The following IMPG2 variants were observed in gnomAD, a reference collection of about 807,000 sequenced individuals.
IMPG2 encodes interphotoreceptor matrix proteoglycan 2.
In IMPG2, 91 loss-of-function variants were observed where a neutral mutation model predicts 129.2. The observed-to-expected ratio is 0.70, with a 90% CI of 0.59 to 0.84. The LOEUF (loss-of-function observed/expected upper bound fraction) is 0.84. Ranked by LOEUF, IMPG2 falls within the 40% of genes least tolerant of loss-of-function variation. The pLI, the probability that IMPG2 is intolerant of heterozygous loss-of-function variation, is 0.00. For missense variants in IMPG2, 1,430 were observed against 1,461.7 expected (o/e 0.98, Z 0.35); for synonymous variants, 510 against 517.7 (o/e 0.99, Z 0.20).
chr3:101,319,971 G>A, intron 1 of IMPG2, 139 bp from the exon 2 acceptor site: 2 of 842,530 alleles, frequency 2.4e-6, no homozygotes, highest in Non-Finnish European at 1.9e-6. Flanking sequence ...GCATATCTAA[G>A]GAAAAGAGGA....
chr3:101,292,033 T>C (rs1707023821), intron 3 of IMPG2, among the ~76,000 whole-genome samples: 1 of 152,200 alleles, frequency 6.6e-6, no homozygotes, highest in African/African-American at 2.4e-5. Flanking sequence ...TAAATTAGGA[T>C]TGTTATTTTG....
chr3:101,269,505 G>A lies in IMPG2; in HGVS notation c.887+10C>T, dbSNP rs767130055. Reference sequence around the variant, plus strand: ...ACTGAAAATGTGCATATTTAGATAAGTCTATTTACCTAAATTCAAGTACAC... The same window carrying A: ...ACTGAAAATGTGCATATTTAGATAAATCTATTTACCTAAATTCAAGTACAC... On this transcript the variant is annotated intron_variant, in intron 8 of 18. Transcript: ENST00000193391. 3.4e-6 allele frequency: 5 copies of A among 1,480,710 alleles called. No individual in the cohort carries two copies. In the Admixed American group the frequency reaches 6.7e-5, roughly 20 times the overall value. 91.7% of individuals were successfully genotyped at this position (1,480,710 alleles called of 1,614,324 possible). A position where few individuals can be genotyped will look rare whatever the true frequency, so the allele number is the denominator to read the frequency against.
At chr3:101,302,274 A>C (rs996225254) in intron 3 of IMPG2, among the ~76,000 whole-genome samples, 1 of 152,204 alleles carries the variant, frequency 6.6e-6, no homozygotes, top group Non-Finnish European at 1.5e-5. Flanking sequence ...GTAACATCAG[A>C]AGATTCTGTT....
Position 101,275,652 on chromosome 3 carries a change from G to A in IMPG2, c.666+11C>T, listed in dbSNP as rs1326982459. On this transcript the variant is annotated intron_variant, in intron 6 of 18. Coordinates refer to ENST00000193391, the MANE Select transcript of IMPG2 (RefSeq NM_016247.4). ...GTTAGAAACTAACTAACAAAACAGA[G>A]CATCACTCACACTCTCCTCTGGCCT... The A allele has an allele frequency of 1.9e-6, 3 of 1,584,904 alleles. No individual in the cohort carries two copies. Among genetic ancestry groups the A allele is most frequent in the Non-Finnish European group, 2.6e-6 (3 of 1,153,192 alleles).
rs1207513458 is a variant in IMPG2, at chr3:101,224,640, A to G, written c.*2329T>C. On this transcript the variant is annotated 3_prime_UTR_variant, in exon 19 of 19. Transcript: ENST00000193391. ...CCTTTAGTGCTTTGCTTTGTACATG[A>G]GTGGATGGATCTTTGCTGGGCAAAC... 6.6e-6 allele frequency: 1 copy of G among 152,164 alleles called. No individual in the cohort carries two copies. Among genetic ancestry groups the G allele is most frequent in the Non-Finnish European group, 1.5e-5 (1 of 68,030 alleles). The allele number at this position is 152,164 out of a possible 1,614,324, so 9.4% of individuals were successfully genotyped here. A position where few individuals can be genotyped will look rare whatever the true frequency, so the allele number is the denominator to read the frequency against.
At chr3:101,262,379 G>A (rs934465664) in intron 9 of IMPG2, among the ~76,000 whole-genome samples, 3 of 152,156 alleles carry the variant, frequency 2.0e-5, no homozygotes, top group South Asian at 2.1e-4. Context: ...GAAACGGTAT[G>A]TTATATATCT....
At chr3:101,264,336 C>T (rs1706700697) in intron 9 of IMPG2, among the ~76,000 whole-genome samples, 1 of 151,942 alleles carries the variant, frequency 6.6e-6, no homozygotes, top group African/African-American at 2.4e-5. Context: ...AATAGCCCCT[C>T]AAAAAGATAA....
chr3:101,274,050 G>T (rs1441324041), intron 6 of IMPG2, among the ~76,000 whole-genome samples: 1 of 151,972 alleles, frequency 6.6e-6, no homozygotes, highest in East Asian at 1.9e-4. Flanking sequence ...AAAATTAGCT[G>T]GGCATGGTAG....
Position 101,257,671 on chromosome 3 carries a change from G to A in IMPG2, c.1011C>T (p.Gly337=). 1.2e-6 allele frequency: 2 copies of A among 1,613,430 alleles called. No individual in the cohort carries two copies. The highest frequency in any genetic ancestry group is 1.7e-6 in the Non-Finnish European group (2 of 1,179,574). Reference sequence around the variant, plus strand: ...TGGGTTTATCATCCAGTTCCACAAGGCCATGGTTTTCCACCTTGTTGGAGT... The same window carrying A: ...TGGGTTTATCATCCAGTTCCACAAGACCATGGTTTTCCACCTTGTTGGAGT... ...SLHSNKVENH[G]LVELDDKPTV... The change falls in exon 10 of 19, where the codon GGC becomes GGT. Residue 337 remains glycine, a synonymous_variant. Transcript: ENST00000193391.
In IMPG2 at chr3:101,225,311, G is replaced by A. The variant is rs750332475; in HGVS notation, c.*1658C>T. ...GTGTACCTATACTGAACTGTTAGAG[G>A]ATCCATTATGTGAGTAGGGAATGAA... On this transcript the variant is annotated 3_prime_UTR_variant, in exon 19 of 19. Coordinates refer to ENST00000193391, the MANE Select transcript of IMPG2 (RefSeq NM_016247.4). 6.6e-6 allele frequency: 1 copy of A among 152,258 alleles called. No individual in the cohort carries two copies. Among genetic ancestry groups the A allele is most frequent in the Non-Finnish European group, 1.5e-5 (1 of 68,048 alleles). The allele number at this position is 152,258 out of a possible 1,614,324, so 9.4% of individuals were successfully genotyped here.
At chr3:101,256,225 T>A (rs914462285) in intron 10 of IMPG2, among the ~76,000 whole-genome samples, 1 of 134,302 alleles carries the variant, frequency 7.4e-6, no homozygotes, top group African/African-American at 2.9e-5. Flanking sequence ...AAGAAAAAAA[T>A]ATCTTATTTG....
chr3:101,242,247 T>C (rs1206988896), intron 14 of IMPG2, among the ~76,000 whole-genome samples: 1 of 152,182 alleles, frequency 6.6e-6, no homozygotes, highest in African/African-American at 2.4e-5. Context: ...TAGATAGATA[T>C]TGATTCTGGA....
chr3:101,295,006 A>G (rs1199374360), intron 3 of IMPG2, among the ~76,000 whole-genome samples: 1 of 152,108 alleles, frequency 6.6e-6, no homozygotes, highest in Non-Finnish European at 1.5e-5. Flanking sequence ...GTAGATTGCA[A>G]AATTTTCTCC....
At chr3:101,281,211 C>T (rs2107118107) in intron 4 of IMPG2, among the ~76,000 whole-genome samples, 2 of 152,240 alleles carry the variant, frequency 1.3e-5, no homozygotes, top group Middle Eastern at 6.8e-3. Context: ...AACCAGATGG[C>T]AGGAGTTTAA....
At chr3:101,282,380 C>A (rs1304138361) in intron 4 of IMPG2, among the ~76,000 whole-genome samples, 1 of 152,162 alleles carries the variant, frequency 6.6e-6, no homozygotes, top group Non-Finnish European at 1.5e-5. Flanking sequence ...CCACTTCAAC[C>A]TCATCTGCCC....
At chr3:101,283,124 G>T (rs1240890780) in intron 4 of IMPG2, among the ~76,000 whole-genome samples, 2 of 152,156 alleles carry the variant, frequency 1.3e-5, no homozygotes, top group Non-Finnish European at 2.9e-5. Flanking sequence ...TCAGGTTCAA[G>T]CTATTCTCCT....
chr3:101,242,370 A>G (rs528405433), intron 14 of IMPG2, among the ~76,000 whole-genome samples: 4 of 152,320 alleles, frequency 2.6e-5, no homozygotes, highest in South Asian at 4.1e-4. Flanking sequence ...GATGGCCCAA[A>G]CCTTGCAGTG....
At chr3:101,284,952 T>A (rs1296861329) in intron 4 of IMPG2, among the ~76,000 whole-genome samples, 6 of 152,216 alleles carry the variant, frequency 3.9e-5, no homozygotes, top group African/African-American at 1.4e-4. Flanking sequence ...AACTTTCCTT[T>A]TGCTGACATT....
intron 2 of IMPG2, among the ~76,000 whole-genome samples, chr3:101,307,617 A>T (rs1707218698): frequency 6.6e-6 from 1 of 152,038 alleles, no homozygotes; most frequent in African/African-American, 2.4e-5. Flanking sequence ...TGGGGGAACA[A>T]CTCCCATAAT....
Sources: gnomAD v4.1 joint callset for allele counts (sites outside exome capture counted in the v4.1 genomes callset) on GRCh38, gnomAD v4.1.1 for gene constraint, MANE v1.5 for transcripts, NCBI Gene and HGNC (gene_info 2026-07-23, HGNC 2026-07-21) for gene names.